The following AFF1 variants were observed in gnomAD, a reference collection of about 807,000 sequenced individuals.
AFF1 encodes AF4/FMR2 family member 1.
Under a neutral mutation model 121.7 loss-of-function variants are expected in AFF1, and 48 were observed. The ratio of observed to expected loss-of-function variants is 0.39; its 90% CI spans 0.31 to 0.50. The LOEUF is 0.50. Among genes scored for constraint, AFF1 ranks in the 20% least tolerant of loss-of-function variants. AFF1 has a pLI of 0.76. For missense variants in AFF1, 1,523 were observed against 1,511.7 expected, an observed-to-expected ratio of 1.01 and a Z score of -0.12; for synonymous variants, 613 against 563.0, an observed-to-expected ratio of 1.09 and a Z score of -1.26.
At chr4:87,106,492 T>C (rs1200559067) in intron 10 of AFF1, among the ~76,000 whole-genome samples, 3 of 152,224 alleles carry the variant, frequency 2.0e-5, no homozygotes, top group African/African-American at 7.2e-5. Flanking sequence ...AGGTAACAGA[T>C]TTGCTGTTTT....
At chr4:86,991,500 T>C (rs919153159) in intron 2 of AFF1, among the ~76,000 whole-genome samples, 6 of 152,086 alleles carry the variant, frequency 3.9e-5, no homozygotes, top group Non-Finnish European at 7.4e-5. Context: ...TGCAACTATA[T>C]ATTTGTTTAC....
intron 2 of AFF1, among the ~76,000 whole-genome samples, chr4:86,970,826 A>G (rs1462705895): frequency 2.6e-5 from 4 of 152,176 alleles, no homozygotes; most frequent in Non-Finnish European, 4.4e-5. Flanking sequence ...GAGCTTGTGC[A>G]TAGGCCCTGA....
intron 4 of AFF1, among the ~76,000 whole-genome samples, chr4:87,082,524 AT>A (rs1053682173): frequency 2.0e-5 from 3 of 151,682 alleles, no homozygotes; most frequent in African/African-American, 4.8e-5. Context: ...CTGCATCTGA[AT>A]TTTTTTTTAA....
chr4:87,047,028 C>A lies in AFF1; in HGVS notation c.493C>A (p.His165Asn). 1.2e-6 allele frequency: 2 copies of A among 1,614,228 alleles called. No individual in the cohort carries two copies. The highest frequency in any genetic ancestry group is 1.7e-6 in the Non-Finnish European group (2 of 1,180,030). ...AAGCTGCGGCCCACCGGACAGCCAGCACCTGACCCAGGATCGCCTTGGTCA... is the reference window on the plus strand; with the variant it reads ...AAGCTGCGGCCCACCGGACAGCCAGAACCTGACCCAGGATCGCCTTGGTCA... ...AKSCGPPDSQ[H>N]LTQDRLGQEG... The change falls in exon 4 of 21, where the codon CAC becomes AAC. Residue 165 changes from histidine to asparagine, a missense_variant. His to Asn is a moderately conservative substitution (Grantham distance 68). This residue lies in a region of AFF1 where 369 missense variants were observed against 367.2 expected (regional missense o/e 1.00). Coordinates refer to ENST00000395146, the MANE Select transcript of AFF1 (RefSeq NM_001166693.3).
At chr4:86,987,402 G>T (rs1213146454) in intron 2 of AFF1, among the ~76,000 whole-genome samples, 1 of 152,122 alleles carries the variant, frequency 6.6e-6, no homozygotes, top group Admixed American at 6.5e-5. Flanking sequence ...CAGACCATTT[G>T]TCCCCTCCTG....
intron 2 of AFF1, among the ~76,000 whole-genome samples, chr4:86,977,327 G>A (rs1431770512): frequency 3.9e-5 from 6 of 152,198 alleles, no homozygotes; most frequent in Admixed American, 3.9e-4. Flanking sequence ...GGAGAGGACA[G>A]CGAGAAATTT....
At chr4:86,937,837 C>T (rs1211208007) in intron 1 of AFF1, among the ~76,000 whole-genome samples, 1 of 152,108 alleles carries the variant, frequency 6.6e-6, no homozygotes, top group Non-Finnish European at 1.5e-5. Context: ...GAACTCCTGG[C>T]TCAAGCAGTC....
chr4:87,069,312 G>T (rs1721723630), intron 4 of AFF1, among the ~76,000 whole-genome samples: 1 of 105,510 alleles, frequency 9.5e-6, no homozygotes, highest in African/African-American at 3.7e-5. Context: ...CTAGAGGCTT[G>T]GAATACCTCT....
chr4:87,105,592 C>T, intron 8 of AFF1, 36 bp from the exon 9 acceptor site: 1 of 1,612,334 alleles, frequency 6.2e-7, no homozygotes, highest in South Asian at 1.1e-5. Context: ...GAAATCATTT[C>T]ACATTCATTC....
At chr4:87,083,088 A>G (rs1723333263) in intron 4 of AFF1, among the ~76,000 whole-genome samples, 1 of 152,238 alleles carries the variant, frequency 6.6e-6, no homozygotes, top group Admixed American at 6.5e-5. Context: ...TTGCTATTCC[A>G]TTGAAAACCA....
chr4:87,001,248 C>G (rs958535504), intron 2 of AFF1, among the ~76,000 whole-genome samples: 4 of 115,536 alleles, frequency 3.5e-5, no homozygotes, highest in Non-Finnish European at 6.6e-5. Context: ...GACGGCGTCT[C>G]GCTCTGTCAC....
Position 87,061,587 on chromosome 4 carries a change from T to A in AFF1, c.1059+13993T>A, listed in dbSNP as rs191214193. ...TGAAATCTGGATTTTATTTTTTGTGTTAAAAATGGGAAGAATTGGCAACAT... is the reference window on the plus strand; with the variant it reads ...TGAAATCTGGATTTTATTTTTTGTGATAAAAATGGGAAGAATTGGCAACAT... On this transcript the variant is annotated intron_variant, in intron 4 of 20. Transcript: ENST00000395146. Among the ~76,000 whole-genome samples the A allele has an allele frequency of 4.6e-5, 7 of 152,318 alleles. No individual in the cohort carries two copies. In the East Asian group the frequency reaches 1.4e-3, roughly 29 times the overall value.
intron 8 of AFF1, among the ~76,000 whole-genome samples, chr4:87,102,279 T>C (rs527599585): frequency 6.6e-6 from 1 of 152,374 alleles, no homozygotes; most frequent in Admixed American, 6.5e-5. Flanking sequence ...GAAATGAAAC[T>C]TGTTATTTGA....
In AFF1 at chr4:87,138,490, GGTGTGTGTGTGTGTGT is replaced by G. The variant is rs35457894; in HGVS notation, c.*2806_*2821del. The G allele has an allele frequency of 6.5e-4, 143 of 219,126 alleles. No homozygotes were observed. The highest frequency in any genetic ancestry group is 3.1e-3 in the African/African-American group (129 of 42,078). The allele number at this position is 219,126 out of a possible 1,614,324, so 13.6% of individuals were successfully genotyped here. ...GTAAATCTTGCCTTTGGCACTACAA[GGTGTGTGTGTGTGTGT>G]GTGTGTGTGTGTGTGTCTTTAGTAG... is the stretch of plus-strand genomic sequence containing the variant. On this transcript the variant is annotated 3_prime_UTR_variant, in exon 21 of 21. Transcript: ENST00000395146.
chr4:87,113,167 A>G (rs1695005063), intron 11 of AFF1, among the ~76,000 whole-genome samples: 2 of 152,214 alleles, frequency 1.3e-5, no homozygotes, highest in Non-Finnish European at 2.9e-5. Flanking sequence ...CCAGGAACCT[A>G]TGTTTTTATG....
chr4:87,049,536 A>G, intron 4 of AFF1: 1 of 394,088 alleles, frequency 2.5e-6, no homozygotes, highest in Non-Finnish European at 5.1e-6. Flanking sequence ...ATGTTTTCTG[A>G]GGAACAAAAT....
chr4:87,001,974 G>A (rs1446675382), intron 2 of AFF1, among the ~76,000 whole-genome samples: 2 of 152,164 alleles, frequency 1.3e-5, no homozygotes, highest in Non-Finnish European at 2.9e-5. Flanking sequence ...TGACCTATGT[G>A]ACGTTTAGAC....
At chr4:86,998,526 A>G (rs1725426678) in intron 2 of AFF1, among the ~76,000 whole-genome samples, 1 of 152,196 alleles carries the variant, frequency 6.6e-6, no homozygotes, top group Admixed American at 6.5e-5. Context: ...AGAGATACCT[A>G]CTGCTAGCAT....
chr4:87,009,817 T>TA (rs1021249781), intron 2 of AFF1, among the ~76,000 whole-genome samples: 16 of 152,224 alleles, frequency 1.1e-4, no homozygotes, highest in Admixed American at 3.3e-4. Context: ...ACCTGTGATG[T>TA]AAAATCTCAG....
Sources: allele counts gnomAD v4.1 joint callset (sites outside exome capture counted in the v4.1 genomes callset), GRCh38; gene constraint gnomAD v4.1.1; regional missense constraint gnomAD v4.1.1; transcripts MANE v1.5; gene names NCBI Gene and HGNC (gene_info 2026-07-23, HGNC 2026-07-21).